The following AP3D1 variants were observed in gnomAD, a reference collection of about 807,000 sequenced individuals.
AP3D1 encodes AP-3 complex subunit delta-1.
In AP3D1, 51 loss-of-function variants were observed where a neutral mutation model predicts 147.6. That is an observed-to-expected ratio of 0.35 (90% CI 0.28 to 0.44). AP3D1 has a LOEUF of 0.44. Ranked by LOEUF, AP3D1 falls within the 20% of genes least tolerant of loss-of-function variation. AP3D1 has a pLI of 1.00. For synonymous variants in AP3D1, 760 were observed against 663.0 expected (o/e 1.15, Z -2.25); for missense variants, 1,421 against 1,624.2 (o/e 0.87, Z 2.15).
At chr19:2,121,134 C>T in intron 13 of AP3D1, 29 bp downstream of exon 13, 1 of 1,613,780 alleles carries the variant, frequency 6.2e-7, no homozygotes, top group East Asian at 2.2e-5. Flanking sequence ...CACGGAACCC[C>T]CGGCCACACC....
chr19:2,138,638 G>A lies in AP3D1; in HGVS notation c.173C>T (p.Ala58Val), dbSNP rs1399552547. 5 of 1,613,772 alleles carry A rather than the reference G, an allele frequency of 3.1e-6. No homozygotes were observed. Among genetic ancestry groups the A allele is most frequent in the Non-Finnish European group, 4.2e-6 (5 of 1,179,960 alleles). The part of the protein sequence containing the change: ...KQDNIAVKAN[A>V]VCKLTYLQML... ...ACTTACATACGTCAGCTTGCAGACC[G>A]CGTTCGCCTTCACCGCTATGTTGTC... The change falls in exon 2 of 32, where the codon GCG becomes GTG. Residue 58 changes from alanine (A) to valine (V), a missense_variant. By Grantham distance (64) the Ala-to-Val change is moderately conservative (BLOSUM62 0). Coordinates refer to ENST00000643116, the MANE Select transcript of AP3D1 (RefSeq NM_001261826.3).
chr19:2,136,909 A>T, intron 4 of AP3D1, 102 bp downstream of exon 4: 1 of 1,128,138 alleles, frequency 8.9e-7, no homozygotes, highest in Non-Finnish European at 1.3e-6. Flanking sequence ...CAAGGGGGCC[A>T]CAGGCACCTG....
intron 26 of AP3D1, 141 bp downstream of exon 26, chr19:2,111,144 C>G: frequency 8.7e-7 from 1 of 1,149,770 alleles, no homozygotes; most frequent in Non-Finnish European, 1.2e-6. Context: ...GAGGTGCTGC[C>G]CAAGCAACGC....
rs1368402222 is a variant in AP3D1, at chr19:2,151,322, T to C, written c.13A>G (p.Met5Val). The C allele has an allele frequency of 6.3e-7, 1 of 1,589,604 alleles. No individual in the cohort carries two copies. The highest frequency in any genetic ancestry group is 1.4e-5 in the African/African-American group (1 of 72,256). The part of the protein sequence containing the change: MALK[M>V]VKGSIDRMFD... ...ATGCGGTCGATGCTGCCCTTCACCA[T>C]CTTGAGGGCCATCGCGGCGGCCCAC... Residue 5 changes from methionine to valine, a missense_variant, in exon 1 of 32, where the codon ATG (methionine) becomes GTG (valine). Physicochemically the swap from Met to Val is conservative, Grantham distance 21. This residue lies in a region of AP3D1 where 292 missense variants were observed against 412.0 expected (regional missense o/e 0.71). Transcript: ENST00000643116.
intron 1 of AP3D1, among the ~76,000 whole-genome samples, chr19:2,148,698 G>T (rs942754564): frequency 6.6e-6 from 1 of 152,214 alleles, no homozygotes; most frequent in Non-Finnish European, 1.5e-5. Context: ...GCCGCCCCAT[G>T]AAGTCAGCCA....
intron 9 of AP3D1, among the ~76,000 whole-genome samples, chr19:2,125,135 AAAT>A (rs1480467767): frequency 6.6e-6 from 1 of 152,198 alleles, no homozygotes; most frequent in Non-Finnish European, 1.5e-5. Flanking sequence ...AAAACTACTG[AAAT>A]AATAATTTTT....
chr19:2,138,993 G>A (rs993486399), intron 1 of AP3D1, among the ~76,000 whole-genome samples: 2 of 141,092 alleles, frequency 1.4e-5, no homozygotes, highest in African/African-American at 5.3e-5. Flanking sequence ...CTGGGAGGCA[G>A]AGGTTGCACT....
chr19:2,118,532 G>A, intron 15 of AP3D1, 69 bp downstream of exon 15: 1 of 1,445,002 alleles, frequency 6.9e-7, no homozygotes, highest in Non-Finnish European at 9.4e-7. Flanking sequence ...CGTCGACCTG[G>A]CCGCCACTGG....
Position 2,110,754 on chromosome 19 carries a change from C to A in AP3D1, c.3128G>T (p.Gly1043Val), listed in dbSNP as rs1351347820. ...GGGGACGCCATCGTGGACGGAGGAGCCCTGCGGCCGGGCCATCCTGGCATT... is the reference window on the plus strand; with the variant it reads ...GGGGACGCCATCGTGGACGGAGGAGACCTGCGGCCGGGCCATCCTGGCATT... Reference protein sequence around the residue: ...SLNARMARPQGSSVHDGVPVP... With the variant: ...SLNARMARPQVSSVHDGVPVP... Residue 1043 changes from glycine to valine, a missense_variant, in exon 27 of 32, where the codon GGC becomes GTC. Physicochemically the swap from Gly to Val is moderately radical, Grantham distance 109. This residue lies in a region of AP3D1 where 791 missense variants were observed against 761.4 expected (regional missense o/e 1.04). Coordinates refer to ENST00000643116, the MANE Select transcript of AP3D1 (RefSeq NM_001261826.3). 2.5e-6 allele frequency: 4 copies of A among 1,611,132 alleles called. No homozygotes were observed. The highest frequency in any genetic ancestry group is 3.4e-6 in the Non-Finnish European group (4 of 1,179,446).
At chr19:2,116,930 G>A (rs530601410) in intron 16 of AP3D1, 184 bp from the exon 17 acceptor site, 3 of 917,638 alleles carry the variant, frequency 3.3e-6, no homozygotes, top group Non-Finnish European at 4.7e-6. Flanking sequence ...GACCCAGGAA[G>A]ACTGCGGCAG....
At chr19:2,103,107 AGAGT>A (rs1315903230) in intron 31 of AP3D1, among the ~76,000 whole-genome samples, 1 of 152,244 alleles carries the variant, frequency 6.6e-6, no homozygotes, top group African/African-American at 2.4e-5. Flanking sequence ...CTGGGCGATA[AGAGT>A]GAGTTCCTAC....
chr19:2,102,329 C>G (rs940378822), intron 31 of AP3D1, 61 bp from the exon 32 acceptor site: 2 of 1,449,654 alleles, frequency 1.4e-6, no homozygotes, highest in South Asian at 1.1e-5. Context: ...CACGGTGGCT[C>G]AAGTCTGTGA....
Position 2,118,637 on chromosome 19 carries a change from C to T in AP3D1, c.1677G>A (p.Gln559=). ...CCTCCAGGTCTGCGCTCTGCACAAA[C>T]TGGGGCAGCCGGTCCACCATGAGCT... ...VTQLMVDRLP[Q]FVQSADLEVQ... is the part of the protein sequence containing the mutation. The change falls in exon 15 of 32, where the codon CAG becomes CAA. Residue 559 remains glutamine, a synonymous_variant. Coordinates refer to ENST00000643116, the MANE Select transcript of AP3D1 (RefSeq NM_001261826.3). 6.2e-7 allele frequency: 1 copy of T among 1,612,060 alleles called. No individual in the cohort carries two copies. The highest frequency in any genetic ancestry group is 8.5e-7 in the Non-Finnish European group (1 of 1,180,008).
At chr19:2,122,421 G>T (rs1022768305) in intron 11 of AP3D1, among the ~76,000 whole-genome samples, 1 of 152,200 alleles carries the variant, frequency 6.6e-6, no homozygotes, top group South Asian at 2.1e-4. Flanking sequence ...TTCAGGCCAC[G>T]GGGCAGCACT....
At chr19:2,103,192 C>T (rs975043081) in intron 31 of AP3D1, among the ~76,000 whole-genome samples, 6 of 151,808 alleles carry the variant, frequency 4.0e-5, no homozygotes, top group Admixed American at 1.3e-4. Context: ...ATGTGTTGTC[C>T]TTTTAATTTT....
At chr19:2,131,216 A>G (rs1370045334) in intron 5 of AP3D1, among the ~76,000 whole-genome samples, 1 of 152,276 alleles carries the variant, frequency 6.6e-6, no homozygotes, top group South Asian at 2.1e-4. Flanking sequence ...CTAGAAGCTT[A>G]GCAGGCTGTG....
intron 29 of AP3D1, 69 bp from the exon 30 acceptor site, chr19:2,109,276 A>T: frequency 6.6e-7 from 1 of 1,503,812 alleles, no homozygotes; most frequent in East Asian, 2.4e-5. Flanking sequence ...ACAGAGGCCA[A>T]CAAAACCTGC....
intron 1 of AP3D1, among the ~76,000 whole-genome samples, chr19:2,146,076 A>G (rs2019348998): frequency 6.6e-6 from 1 of 151,486 alleles, no homozygotes; most frequent in Non-Finnish European, 1.5e-5. Flanking sequence ...TCATAAAACG[A>G]CCCCACATGG....
chr19:2,129,606 G>A (rs2018879137), intron 6 of AP3D1, 149 bp from the exon 7 acceptor site: 2 of 985,532 alleles, frequency 2.0e-6, no homozygotes, highest in Non-Finnish European at 2.9e-6. Context: ...TGGTGACAGG[G>A]ACAGCAGCCA....
Sources: gnomAD v4.1 joint callset for allele counts (sites outside exome capture counted in the v4.1 genomes callset) on GRCh38, gnomAD v4.1.1 for gene constraint, gnomAD v4.1.1 regional missense constraint, MANE v1.5 for transcripts, NCBI Gene and HGNC (gene_info 2026-07-23, HGNC 2026-07-21) for gene names.